COL5A2: variants seen among roughly 807,000 people sequenced by gnomAD.
COL5A2 encodes the protein collagen alpha-2(V) chain.
A neutral mutation model predicts 208.2 loss-of-function variants in COL5A2; 23 were observed. The observed-to-expected ratio is 0.11, with a 90% CI of 0.08 to 0.16. The LOEUF is 0.16. COL5A2 is among the 10% of genes least tolerant of loss of function. The pLI, the probability that COL5A2 is intolerant of heterozygous loss-of-function variation, is 1.00. For missense variants in COL5A2, 1,590 were observed against 1,956.4 expected (o/e 0.81, Z 3.53); for synonymous variants, 625 against 628.5 (o/e 0.99, Z 0.08).
the COL5A2 span, among the ~76,000 whole-genome samples, chr2:189,261,087 C>T: frequency 2.6e-5 from 4 of 151,996 alleles, no homozygotes; most frequent in African/African-American, 9.7e-5. Context: ...TGACACTTCA[C>T]CCAAACTTTT....
the COL5A2 span, among the ~76,000 whole-genome samples, chr2:189,285,216 ATCT>A: frequency 2.9e-4 from 44 of 152,132 alleles, no homozygotes; most frequent in African/African-American, 1.1e-3. Flanking sequence ...GAATGTGAGC[ATCT>A]TCTTCTGAGA....
At chr2:189,151,938 T>C (rs1345331963) in intron 1 of COL5A2, among the ~76,000 whole-genome samples, 1 of 152,218 alleles carries the variant, frequency 6.6e-6, no homozygotes, top group Non-Finnish European at 1.5e-5. Context: ...CCAGTAGTTA[T>C]ATTAGAAAGA....
At chr2:189,080,135 T>A (rs1686499185) in intron 13 of COL5A2, 104 bp from the exon 14 acceptor site, 1 of 828,724 alleles carries the variant, frequency 1.2e-6, no homozygotes, top group Non-Finnish European at 2.0e-6. Flanking sequence ...TAAAAATGAA[T>A]ATCAAATTTA....
At chr2:189,095,703 A>G (rs1686895507) in intron 6 of COL5A2, 1 of 152,038 alleles carries the variant, frequency 6.6e-6, no homozygotes, top group Non-Finnish European at 1.5e-5. Flanking sequence ...TTCTACCTAG[A>G]CTTAGGACCC....
intron 1 of COL5A2, among the ~76,000 whole-genome samples, chr2:189,195,973 A>G (rs1428531683): frequency 6.6e-6 from 1 of 152,234 alleles, no homozygotes; most frequent in Non-Finnish European, 1.5e-5. Flanking sequence ...AATTAAACTA[A>G]AGATCTTCTG....
chr2:189,282,797 T>C, the COL5A2 span, among the ~76,000 whole-genome samples: 1 of 152,144 alleles, frequency 6.6e-6, no homozygotes, highest in East Asian at 1.9e-4. Flanking sequence ...GCACAAGAGA[T>C]TAGAACAAGT....
chr2:189,125,624 TTTC>T (rs1386591111), intron 1 of COL5A2, among the ~76,000 whole-genome samples: 2 of 152,274 alleles, frequency 1.3e-5, no homozygotes, highest in East Asian at 1.9e-4. Flanking sequence ...TCCATATGAT[TTTC>T]TTAAGAACAT....
chr2:189,417,543 T>G, the COL5A2 span, among the ~76,000 whole-genome samples: 1 of 152,124 alleles, frequency 6.6e-6, no homozygotes, highest in Non-Finnish European at 1.5e-5. Context: ...GGAATTCTAA[T>G]TGGAACTGCA....
chr2:189,109,857 G>A (rs1687225704), intron 2 of COL5A2, among the ~76,000 whole-genome samples: 3 of 152,136 alleles, frequency 2.0e-5, no homozygotes, highest in Non-Finnish European at 4.4e-5. Context: ...GTAGATAAAT[G>A]TGTTTTCTAG....
chr2:189,051,304 G>A lies in COL5A2; in HGVS notation c.2931+16C>T. ...TCTCAGTTGAAGGTGGTCTGGAACG[G>A]ATACGCCAAACTTACAGGTTGCCCA... On this transcript the variant is annotated intron_variant, in intron 42 of 53. Coordinates refer to ENST00000374866, the MANE Select transcript of COL5A2 (RefSeq NM_000393.5). 6.2e-7 allele frequency: 1 copy of A among 1,613,990 alleles called. No homozygotes were observed. Among genetic ancestry groups the A allele is most frequent in the Non-Finnish European group, 8.5e-7 (1 of 1,179,940 alleles).
chr2:189,439,451 A>C, the COL5A2 span, among the ~76,000 whole-genome samples: 1 of 152,228 alleles, frequency 6.6e-6, no homozygotes, highest in African/African-American at 2.4e-5. Context: ...AGGAACATGA[A>C]CTGTGAGCAT....
the COL5A2 span, among the ~76,000 whole-genome samples, chr2:189,244,142 T>G: frequency 6.6e-6 from 1 of 152,200 alleles, no homozygotes; most frequent in Non-Finnish European, 1.5e-5. Flanking sequence ...CTGGAGACAT[T>G]TTCCCCATTG....
chr2:189,159,252 T>C (rs1688313023), intron 1 of COL5A2, among the ~76,000 whole-genome samples: 1 of 152,214 alleles, frequency 6.6e-6, no homozygotes, highest in East Asian at 1.9e-4. Context: ...TACATGCATG[T>C]TGTTAGTTAT....
Position 189,034,082 on chromosome 2 carries a change from A to T in COL5A2, c.4488T>A (p.Val1496=). 6.2e-7 allele frequency: 1 copy of T among 1,613,976 alleles called. No homozygotes were observed. Among genetic ancestry groups the T allele is most frequent in the Middle Eastern group, 1.6e-4 (1 of 6,062 alleles). Residue 1496 remains valine (V), a synonymous_variant, in exon 54 of 54, where the codon GTT becomes GTA. Coordinates refer to ENST00000374866, the MANE Select transcript of COL5A2 (RefSeq NM_000393.5). ...DQEFGVEIGP[V]CFV Reference sequence around the variant, plus strand: ...GTCTTGGCTTACTTTACACAAAACAAACTGGCCCAATTTCAACGCCGAATT... The same window carrying T: ...GTCTTGGCTTACTTTACACAAAACATACTGGCCCAATTTCAACGCCGAATT...
intron 1 of COL5A2, among the ~76,000 whole-genome samples, chr2:189,167,664 ATTT>A (rs71020984): frequency 1.4e-5 from 2 of 140,132 alleles, no homozygotes; most frequent in Non-Finnish European, 1.5e-5. Context: ...GAAAGAAGTG[ATTT>A]TTTTTTTTTT....
At chr2:189,064,782 G>T (rs549185552) in intron 24 of COL5A2, 127 bp from the exon 25 acceptor site, 1 of 848,374 alleles carries the variant, frequency 1.2e-6, no homozygotes. Flanking sequence ...CTGATATAAC[G>T]TATAAAATTT....
chr2:189,163,326 C>T (rs1354087544), intron 1 of COL5A2, among the ~76,000 whole-genome samples: 1 of 152,196 alleles, frequency 6.6e-6, no homozygotes, highest in Non-Finnish European at 1.5e-5. Flanking sequence ...TCTGACATCC[C>T]TTCTCACCAA....
upstream of COL5A2, among the ~76,000 whole-genome samples, chr2:189,225,613 G>A (rs1689405190): frequency 6.6e-6 from 1 of 151,892 alleles, no homozygotes; most frequent in Non-Finnish European, 1.5e-5. Context: ...AATATAATCA[G>A]TATTTTGGAG....
chr2:189,190,676 T>C (rs1001638008), intron 1 of COL5A2, among the ~76,000 whole-genome samples: 11 of 152,208 alleles, frequency 7.2e-5, no homozygotes, highest in African/African-American at 2.7e-4. Flanking sequence ...ACTGAAATTA[T>C]CAATAGCAGG....
Sources: allele counts gnomAD v4.1 joint callset (sites outside exome capture counted in the v4.1 genomes callset), GRCh38; gene constraint gnomAD v4.1.1; transcripts MANE v1.5; gene names NCBI Gene and HGNC (gene_info 2026-07-23, HGNC 2026-07-21).